LCA5L: variants seen among roughly 807,000 people sequenced by gnomAD.
LCA5L encodes lebercilin LCA5 like, also known as lebercilin-like protein.
Under a neutral mutation model 45.4 loss-of-function variants are expected in LCA5L, and 35 were observed. The observed-to-expected ratio is 0.77, with a 90% CI of 0.59 to 1.02. The LOEUF (loss-of-function observed/expected upper bound fraction) is 1.02. Ranked by LOEUF, LCA5L falls within the 50% of genes least tolerant of loss-of-function variation. The pLI, the probability that LCA5L is intolerant of heterozygous loss-of-function variation, is 0.00. For synonymous variants in LCA5L, 233 were observed against 264.7 expected (o/e 0.88, Z 1.16); for missense variants, 668 against 761.6 (o/e 0.88, Z 1.45).
chr21:39,417,650 G>GA (rs1309340133), intron 7 of LCA5L, among the ~76,000 whole-genome samples: 1 of 152,224 alleles, frequency 6.6e-6, no homozygotes, highest in Non-Finnish European at 1.5e-5. Flanking sequence ...CATGGCTGGG[G>GA]AGGCCTCACA....
At chr21:39,429,754 A>G (rs2075449726) in intron 3 of LCA5L, among the ~76,000 whole-genome samples, 1 of 152,216 alleles carries the variant, frequency 6.6e-6, no homozygotes, top group Non-Finnish European at 1.5e-5. Context: ...ATTGTGGCTC[A>G]CATCTGAAAT....
intron 2 of LCA5L, chr21:39,439,485 T>C (rs906634037): frequency 6.6e-6 from 1 of 152,256 alleles, no homozygotes; most frequent in East Asian, 1.9e-4. Context: ...AAAAGCAGGC[T>C]ATTAAATGCA....
At chr21:39,411,830 C>T (rs902917453) in intron 7 of LCA5L, 28 bp from the exon 8 acceptor site, 1 of 1,290,234 alleles carries the variant, frequency 7.8e-7, no homozygotes, top group African/African-American at 1.5e-5. Flanking sequence ...ACCAATTTTT[C>T]TATAAATGCT....
chr21:39,413,180 C>G (rs1305881252), intron 7 of LCA5L, among the ~76,000 whole-genome samples: 1 of 152,182 alleles, frequency 6.6e-6, no homozygotes, highest in African/African-American at 2.4e-5. Flanking sequence ...GTCAGGAGAA[C>G]CAGCTCTAGA....
At chr21:39,436,781 C>T (rs1042105553) in intron 2 of LCA5L, among the ~76,000 whole-genome samples, 3 of 152,116 alleles carry the variant, frequency 2.0e-5, no homozygotes, top group African/African-American at 4.8e-5. Context: ...CCACAGCACC[C>T]GGCCAGTAAT....
intron 7 of LCA5L, among the ~76,000 whole-genome samples, chr21:39,419,529 AAAAAAAG>A (rs1200745871): frequency 6.1e-5 from 9 of 147,386 alleles, no homozygotes; most frequent in South Asian, 2.1e-4. Context: ...TGTTCAAAAA[AAAAAAAG>A]AAAAAAGAAA....
chr21:39,412,622 G>C (rs1354321498), intron 7 of LCA5L, among the ~76,000 whole-genome samples: 1 of 151,472 alleles, frequency 6.6e-6, no homozygotes, highest in East Asian at 1.9e-4. Context: ...ACACACACGG[G>C]GGGTGGGGCG....
intron 10 of LCA5L, among the ~76,000 whole-genome samples, chr21:39,407,188 C>T (rs2039214948): frequency 2.0e-5 from 3 of 152,230 alleles, no homozygotes; most frequent in Admixed American, 2.0e-4. Context: ...GACTGTGCCA[C>T]TGCATACCAG....
In LCA5L at chr21:39,409,601, T is replaced by C. The variant is rs2039724175; in HGVS notation, c.1282+378A>G. 6.6e-6 allele frequency among the ~76,000 whole-genome samples: 1 copy of C among 152,074 alleles called. No individual in the cohort carries two copies. The highest frequency in any genetic ancestry group is 1.5e-5 in the Non-Finnish European group (1 of 67,994). Reference sequence around the variant, plus strand: ...CTGGAAACGGTTTTATGTTTTTTTTTTAATTTTTTGAGACAGAGTCTCACT... The same window carrying C: ...CTGGAAACGGTTTTATGTTTTTTTTCTAATTTTTTGAGACAGAGTCTCACT... On this transcript the variant is annotated intron_variant, in intron 10 of 10. Transcript: ENST00000288350. The surrounding 1 kb of genome is among the most constrained non-coding windows in gnomAD (Gnocchi z 4.2).
At chr21:39,412,600 G>GCGCA (rs377607164) in intron 7 of LCA5L, among the ~76,000 whole-genome samples, 2 of 149,518 alleles carry the variant, frequency 1.3e-5, no homozygotes, top group African/African-American at 4.9e-5. Context: ...ACGTGCATGT[G>GCGCA]CACACACACA....
chr21:39,421,906 G>C (rs1569096178), intron 6 of LCA5L: 1 of 152,040 alleles, frequency 6.6e-6, no homozygotes, highest in Non-Finnish European at 1.5e-5. Context: ...AATTTGTTTT[G>C]GTTTTATGTA....
chr21:39,427,535 GC>G (rs2074955205), intron 5 of LCA5L, among the ~76,000 whole-genome samples: 1 of 151,980 alleles, frequency 6.6e-6, no homozygotes, highest in Non-Finnish European at 1.5e-5. Flanking sequence ...GGTGGTGGGT[GC>G]CTGTAGTCCC....
intron 5 of LCA5L, among the ~76,000 whole-genome samples, chr21:39,424,221 C>G (rs2074253904): frequency 6.6e-6 from 1 of 152,102 alleles, no homozygotes; most frequent in African/African-American, 2.4e-5. Flanking sequence ...CCATGTTGGC[C>G]AGGCTGGTCT....
At position 39,410,001 on chromosome 21, in the gene LCA5L, C is replaced by T. The variant is rs752534613; in HGVS notation, c.1260G>A (p.Glu420=). 2 of 1,568,234 alleles carry T rather than the reference C, an allele frequency of 1.3e-6. No homozygotes were observed. Among genetic ancestry groups the T allele is most frequent in the Non-Finnish European group, 1.8e-6 (2 of 1,141,380 alleles). The change falls in exon 10 of 11, where the codon GAG becomes GAA. Residue 420 remains glutamate, a synonymous_variant. Transcript: ENST00000288350. The part of the protein sequence containing the change: ...PHCVNKLPKQ[E]DSKRKYEDLS... ...TACCTTCATATTTTCTCTTAGAATC[C>T]TCTTGCTTTGGTAGTTTATTCACAC...
intron 7 of LCA5L, among the ~76,000 whole-genome samples, chr21:39,415,521 C>T (rs975803970): frequency 6.6e-6 from 1 of 152,184 alleles, no homozygotes; most frequent in Admixed American, 6.5e-5. Context: ...CCTCTAATAA[C>T]TTATTTCAGT....
At chr21:39,429,421 ATAAT>A (rs751359968) in intron 3 of LCA5L, 3 of 152,218 alleles carry the variant, frequency 2.0e-5, no homozygotes, top group Non-Finnish European at 4.4e-5. Flanking sequence ...GATCTTAGTA[ATAAT>A]TAATATTAGC....
rs1412446326 is a variant in LCA5L, at chr21:39,411,902, A to G, written c.976-100T>C. On this transcript the variant is annotated intron_variant, in intron 7 of 10. Transcript: ENST00000288350. ...TAAATGAGCTCAGTATCCTATGAAT[A>G]AAATCTGTAGATTTTAGAAGAAACA... is the stretch of plus-strand genomic sequence containing the variant. 2.8e-5 allele frequency: 18 copies of G among 642,182 alleles called. 1 individual carries two copies. The highest frequency in any genetic ancestry group is 4.7e-5 in the Non-Finnish European group (17 of 363,422). The allele number at this position is 642,182 out of a possible 1,614,324, so 39.8% of individuals were successfully genotyped here.
In LCA5L at chr21:39,405,977, AG is replaced by A. The variant is rs2039023285; in HGVS notation, c.1917del (p.Ser640ProfsTer11). 6.2e-7 allele frequency: 1 copy of A among 1,613,326 alleles called. No individual in the cohort carries two copies. Among genetic ancestry groups the A allele is most frequent in the Non-Finnish European group, 8.5e-7 (1 of 1,179,920 alleles). ...GAGTCTCCGAAAGCATGGCTGGTGG[AG>A]GCCTGACTGGGAGGCAGGGGATGCG... ...KESHPLPPSQ[A>X]STSHAFGDSK... On this transcript the variant is annotated frameshift_variant, in exon 11 of 11. Coordinates refer to ENST00000288350, the MANE Select transcript of LCA5L (RefSeq NM_152505.4). LOFTEE classifies it high-confidence loss of function.
Position 39,405,853 on chromosome 21 carries a change from A to G in LCA5L, c.*29T>C. ...AGGCACATAAGCAGCATTATATCAAACCAGAATGCATTAGGATATTGATTA... is the reference window on the plus strand; with the variant it reads ...AGGCACATAAGCAGCATTATATCAAGCCAGAATGCATTAGGATATTGATTA... On this transcript the variant is annotated 3_prime_UTR_variant, in exon 11 of 11. Transcript: ENST00000288350. The G allele has an allele frequency of 6.8e-7, 1 of 1,472,240 alleles. No individual in the cohort carries two copies. Among genetic ancestry groups the G allele is most frequent in the Non-Finnish European group, 9.2e-7 (1 of 1,092,868 alleles). 91.2% of individuals were successfully genotyped at this position (1,472,240 alleles called of 1,614,324 possible). A position where few individuals can be genotyped will look rare whatever the true frequency, so the allele number is the denominator to read the frequency against.
Sources: gnomAD v4.1 joint callset for allele counts (sites outside exome capture counted in the v4.1 genomes callset) on GRCh38, gnomAD v4.1.1 for gene constraint, Gnocchi (gnomAD v3.1) non-coding constraint, MANE v1.5 for transcripts, NCBI Gene and HGNC (gene_info 2026-07-23, HGNC 2026-07-21) for gene names.